Variants in ZNF37A observed in about 807,000 individuals in gnomAD.
The protein encoded by ZNF37A is zinc finger protein 37A, also known as zinc finger protein 37a (KOX 21).
In ZNF37A, 10 loss-of-function variants were observed where a neutral mutation model predicts 12.3. The observed-to-expected ratio is 0.82, with a 90% CI of 0.50 to 1.38. The LOEUF (loss-of-function observed/expected upper bound fraction) is 1.38. ZNF37A is among the 40% of genes most tolerant of loss of function. The pLI, the probability that ZNF37A is intolerant of heterozygous loss-of-function variation, is 0.00. For synonymous variants in ZNF37A, 207 were observed against 223.0 expected, an observed-to-expected ratio of 0.93 and a Z score of 0.64; for missense variants, 580 against 651.2, an observed-to-expected ratio of 0.89 and a Z score of 1.19.
chr10:38,096,681 T>G lies in ZNF37A; in HGVS notation c.15+49T>G, dbSNP rs1238282954. 4 of 1,570,644 alleles carry G rather than the reference T, an allele frequency of 2.5e-6. No homozygotes were observed. In the South Asian group the frequency reaches 4.5e-5, roughly 18 times the overall value. Reference sequence around the variant, plus strand: ...TTTTGCTTAAAAGTAATTATTGAGGTTTAAAAAATGTCTATACATTCATAT... The same window carrying G: ...TTTTGCTTAAAAGTAATTATTGAGGGTTAAAAAATGTCTATACATTCATAT... On this transcript the variant is annotated intron_variant, in intron 5 of 7. Transcript: ENST00000685332.
chr10:38,129,304 T>TAAAAAAAAGAAAAAAAAAAAAAAAAA (rs2069977800), downstream of ZNF37A, among the ~76,000 whole-genome samples: 1 of 56,900 alleles, frequency 1.8e-5, no homozygotes, highest in Non-Finnish European at 3.7e-5. Context: ...AGACTCTGTC[T>TAAAAAAAAGAAAAAAAAAAAAAAAAA]AAAAAAAAAA....
intron 5 of ZNF37A, among the ~76,000 whole-genome samples, chr10:38,113,317 A>G (rs1000922072): frequency 6.2e-5 from 9 of 145,538 alleles, no homozygotes; most frequent in Admixed American, 1.4e-4. Context: ...GGTGCAAGCA[A>G]TTCTCCTCCC....
At position 38,122,121 on chromosome 10, in the gene ZNF37A, A is replaced by T. The variant is rs571764688; in HGVS notation, c.*3284A>T. On this transcript the variant is annotated 3_prime_UTR_variant, in exon 8 of 8. Coordinates refer to ENST00000685332, the MANE Select transcript of ZNF37A (RefSeq NM_001324250.3). ...CATGGTGGCATGCACCTGTAGTCCG[A>T]GGTACTCAGGAGGCAGAGACGTGGG... is the stretch of plus-strand genomic sequence containing the variant. 2.0e-5 allele frequency: 3 copies of T among 152,378 alleles called. No individual in the cohort carries two copies. Among genetic ancestry groups the T allele is most frequent in the African/African-American group, 7.2e-5 (3 of 41,516 alleles). 9.4% of individuals were successfully genotyped at this position (152,378 alleles called of 1,614,324 possible). A position where few individuals can be genotyped will look rare whatever the true frequency, so the allele number is the denominator to read the frequency against.
At chr10:38,115,503 T>G in intron 7 of ZNF37A, 2 of 534,602 alleles carry the variant, frequency 3.7e-6, no homozygotes, top group Non-Finnish European at 6.1e-6. Flanking sequence ...GTTGTTTTTT[T>G]TAAATTGTGA....
At chr10:38,098,452 GCAAAAA>G (rs2067315811) in intron 5 of ZNF37A, among the ~76,000 whole-genome samples, 1 of 152,056 alleles carries the variant, frequency 6.6e-6, no homozygotes, top group African/African-American at 2.4e-5. Flanking sequence ...TTCTATTTCT[GCAAAAA>G]AGTATGTTGA....
rs2069702761 is a variant in ZNF37A at position 38,121,628 on chromosome 10, A to G, written c.*2791A>G. The G allele has an allele frequency of 6.6e-6, 1 of 152,286 alleles. No homozygotes were observed. The highest frequency in any genetic ancestry group is 2.1e-4 in the South Asian group (1 of 4,838). 9.4% of individuals were successfully genotyped at this position (152,286 alleles called of 1,614,324 possible). A position where few individuals can be genotyped will look rare whatever the true frequency, so the allele number is the denominator to read the frequency against. ...AGAATGATGACAGCAAGATTTCTCC[A>G]TTAGAGAAGGTATTTATAAAAATAG... On this transcript the variant is annotated 3_prime_UTR_variant, in exon 8 of 8. Coordinates refer to ENST00000685332, the MANE Select transcript of ZNF37A (RefSeq NM_001324250.3).
intron 4 of ZNF37A, among the ~76,000 whole-genome samples, chr10:38,096,197 G>A (rs1590772815): frequency 6.6e-6 from 1 of 152,178 alleles, no homozygotes; most frequent in East Asian, 1.9e-4. Context: ...AAAAAACTGG[G>A]CTGAAAAATA....
exon 8 of ZNF37A, chr10:38,148,575 T>C (rs928324225): frequency 6.6e-6 from 1 of 152,174 alleles, no homozygotes; most frequent in African/African-American, 2.4e-5. Context: ...GTTCCTACAT[T>C]ATGAAAAACC....
chr10:38,103,735 A>T (rs938339598), intron 5 of ZNF37A, among the ~76,000 whole-genome samples: 5 of 152,128 alleles, frequency 3.3e-5, no homozygotes, highest in Non-Finnish European at 7.3e-5. Context: ...TGTGACTTTT[A>T]TAAACTATTT....
intron 7 of ZNF37A, among the ~76,000 whole-genome samples, chr10:38,135,688 G>T (rs1348452818): frequency 2.6e-5 from 4 of 152,186 alleles, no homozygotes; most frequent in Non-Finnish European, 5.9e-5. Context: ...CATGGCTGAG[G>T]AGGCCTCAGA....
chr10:38,106,693 G>T (rs1166924218), intron 5 of ZNF37A, among the ~76,000 whole-genome samples: 1 of 152,014 alleles, frequency 6.6e-6, no homozygotes, highest in Non-Finnish European at 1.5e-5. Context: ...CACAGCACAA[G>T]AACTTCGTGA....
At position 38,115,280 on chromosome 10, in the gene ZNF37A, G is replaced by T. The variant is rs766936428; in HGVS notation, c.228G>T (p.Gln76His). 1 of 1,613,522 alleles carries T rather than the reference G, an allele frequency of 6.2e-7. No homozygotes were observed. The change falls in exon 7 of 8, where the codon CAG becomes CAT. Residue 76 changes from glutamine to histidine, a missense_variant. Transcript: ENST00000685332. ...PWILEEKFPS[Q>H]SHLELINTSR... is the part of the protein sequence containing the mutation. ...TATTAGAGGAAAAATTTCCAAGCCA[G>T]AGTCATCTGGGTGAGTTAGTATGTG...
chr10:38,111,912 A>ATT (rs2068695879), intron 5 of ZNF37A, among the ~76,000 whole-genome samples: 1 of 122,438 alleles, frequency 8.2e-6, no homozygotes, highest in African/African-American at 3.0e-5. Context: ...TCTGCTGATG[A>ATT]TCTTTTTTTT....
At position 38,119,156 on chromosome 10, in the gene ZNF37A, G is replaced by T; in HGVS notation, c.*319G>T. ...GGTCAGCATCCCTAGGTTGAGAAGG[G>T]ATGCATTTTTCTGCTACTACTACAG... On this transcript the variant is annotated 3_prime_UTR_variant, in exon 8 of 8. Coordinates refer to ENST00000685332, the MANE Select transcript of ZNF37A (RefSeq NM_001324250.3). 3 of 1,043,912 alleles carry T rather than the reference G, an allele frequency of 2.9e-6. No homozygotes were observed. The highest frequency in any genetic ancestry group is 3.5e-6 in the Non-Finnish European group (3 of 861,776). 64.7% of individuals were successfully genotyped at this position (1,043,912 alleles called of 1,614,324 possible). A position where few individuals can be genotyped will look rare whatever the true frequency, so the allele number is the denominator to read the frequency against.
intron 7 of ZNF37A, chr10:38,139,998 A>C (rs1479875311): frequency 6.6e-6 from 1 of 152,074 alleles, no homozygotes; most frequent in Non-Finnish European, 1.5e-5. Context: ...TTTGATGTTT[A>C]CTCTACACTC....
intron 7 of ZNF37A, chr10:38,142,799 T>C (rs2070201752): frequency 6.6e-6 from 1 of 152,222 alleles, no homozygotes; most frequent in African/African-American, 2.4e-5. Flanking sequence ...TGCCATGTGA[T>C]GTGGAGGATC....
At chr10:38,099,247 T>A (rs1372054611) in intron 5 of ZNF37A, among the ~76,000 whole-genome samples, 1 of 152,192 alleles carries the variant, frequency 6.6e-6, no homozygotes, top group Non-Finnish European at 1.5e-5. Flanking sequence ...CTTGGAAAAT[T>A]GAAATTCTGT....
intron 7 of ZNF37A, among the ~76,000 whole-genome samples, chr10:38,132,705 G>A (rs977667815): frequency 6.6e-6 from 1 of 152,026 alleles, no homozygotes; most frequent in African/African-American, 2.4e-5. Flanking sequence ...TTGTAGATCA[G>A]GTATATCAAA....
In ZNF37A at chr10:38,121,925, T is replaced by C. The variant is rs2069722220; in HGVS notation, c.*3088T>C. 6.6e-6 allele frequency: 1 copy of C among 152,064 alleles called. No homozygotes were observed. Among genetic ancestry groups the C allele is most frequent in the Admixed American group, 6.5e-5 (1 of 15,268 alleles). The allele number at this position is 152,064 out of a possible 1,614,324, so 9.4% of individuals were successfully genotyped here. The stretch of plus-strand genomic sequence containing the variant: ...AGAAATACAAGATGAGCCTGAATCA[T>C]CTCATGTACCTGACAGTAAGAAAAT... On this transcript the variant is annotated 3_prime_UTR_variant, in exon 8 of 8. Coordinates refer to ENST00000685332, the MANE Select transcript of ZNF37A (RefSeq NM_001324250.3).
Sources: gnomAD v4.1 joint callset for allele counts (sites outside exome capture counted in the v4.1 genomes callset) on GRCh38, gnomAD v4.1.1 for gene constraint, MANE v1.5 for transcripts, NCBI Gene and HGNC (gene_info 2026-07-23, HGNC 2026-07-21) for gene names.